HJURP: variants seen among roughly 807,000 people sequenced by gnomAD.
HJURP encodes Holliday junction recognition protein, also known as 14-3-3-associated AKT substrate.
A neutral mutation model predicts 72.0 loss-of-function variants in HJURP; 49 were observed. That is an observed-to-expected ratio of 0.68 (90% CI 0.54 to 0.86). HJURP has a LOEUF of 0.86. Ranked by LOEUF, HJURP falls within the 40% of genes least tolerant of loss-of-function variation. HJURP has a pLI of 0.00. For missense variants in HJURP, 908 were observed against 936.3 expected, an observed-to-expected ratio of 0.97 and a Z score of 0.39; for synonymous variants, 357 against 347.1, an observed-to-expected ratio of 1.03 and a Z score of -0.32.
rs1421804578 is a variant in HJURP at position 233,846,308 on chromosome 2, T to C, written c.403-488A>G. ...TCTCTACTACAATACAAAAATTAGCTGGGCATGGTGGTGGGCGCCTGTAGT... is the reference window on the plus strand; with the variant it reads ...TCTCTACTACAATACAAAAATTAGCCGGGCATGGTGGTGGGCGCCTGTAGT... On this transcript the variant is annotated intron_variant, in intron 5 of 8. Coordinates refer to ENST00000411486, the MANE Select transcript of HJURP (RefSeq NM_018410.5). This position sits in a 1 kb window ranked among gnomAD's most constrained non-coding sequence, Gnocchi z 4.3. Among the ~76,000 whole-genome samples, 1 of 152,000 alleles carries C rather than the reference T, an allele frequency of 6.6e-6. No individual in the cohort carries two copies. Among genetic ancestry groups the C allele is most frequent in the Non-Finnish European group, 1.5e-5 (1 of 68,002 alleles).
intron 8 of HJURP, among the ~76,000 whole-genome samples, chr2:233,838,209 T>G (rs1486982698): frequency 6.6e-6 from 1 of 152,198 alleles, no homozygotes; most frequent in Non-Finnish European, 1.5e-5. Flanking sequence ...CAGTTAAACA[T>G]GTTTATATTG....
intron 8 of HJURP, among the ~76,000 whole-genome samples, chr2:233,840,260 G>A (rs985636534): frequency 2.0e-5 from 3 of 152,202 alleles, no homozygotes; most frequent in African/African-American, 7.2e-5. Context: ...TTTTCTGAGT[G>A]TCAGATGAAG....
chr2:233,840,040 A>C (rs1179599854), intron 8 of HJURP, among the ~76,000 whole-genome samples: 2 of 152,246 alleles, frequency 1.3e-5, no homozygotes, highest in African/African-American at 4.8e-5. Context: ...ACGCAGACTA[A>C]AACTCTAGCT....
chr2:233,843,157 T>C (rs967843637), intron 7 of HJURP, among the ~76,000 whole-genome samples: 2 of 151,750 alleles, frequency 1.3e-5, no homozygotes, highest in African/African-American at 4.9e-5. Flanking sequence ...AGAGGGGAGA[T>C]AGCTCTTTTG....
In HJURP at chr2:233,836,854, C is replaced by T. The variant is rs1303875053; in HGVS notation, c.*723G>A. 6.6e-6 allele frequency: 1 copy of T among 152,178 alleles called. No homozygotes were observed. The highest frequency in any genetic ancestry group is 2.4e-5 in the African/African-American group (1 of 41,424). 9.4% of individuals were successfully genotyped at this position (152,178 alleles called of 1,614,324 possible). ...GTCACAGGCGCTGTGGCTGCAGGAG[C>T]GTCTGGGACCACCAGGACTGTTTAT... is the stretch of plus-strand genomic sequence containing the variant. On this transcript the variant is annotated 3_prime_UTR_variant, in exon 9 of 9. Coordinates refer to ENST00000411486, the MANE Select transcript of HJURP (RefSeq NM_018410.5).
At chr2:233,847,592 C>G (rs894035490) in intron 4 of HJURP, 131 bp from the exon 5 acceptor site, 4 of 768,010 alleles carry the variant, frequency 5.2e-6, no homozygotes, top group African/African-American at 5.2e-5. Flanking sequence ...GGTGCACCCA[C>G]TGGAGCCATC....
intron 8 of HJURP, among the ~76,000 whole-genome samples, chr2:233,838,039 GAAGAT>G (rs1256614885): frequency 1.3e-5 from 2 of 152,336 alleles, no homozygotes; most frequent in Admixed American, 6.5e-5. Context: ...GGGGATGAAA[GAAGAT>G]AAGACGTAAA....
At chr2:233,844,410 G>C in intron 6 of HJURP, 127 bp from the exon 7 acceptor site, 1 of 709,962 alleles carries the variant, frequency 1.4e-6, no homozygotes, top group South Asian at 1.6e-5. Flanking sequence ...GCGTGTGAAT[G>C]TGGTGACAGT....
Position 233,840,657 on chromosome 2 carries a change from A to G in HJURP, c.2123T>C (p.Val708Ala). Residue 708 changes from valine (V) to alanine (A), a missense_variant, in exon 8 of 9, where the codon GTC becomes GCC. Transcript: ENST00000411486. ...AGAGCTGCCCTGGTCTCCCGGTCTG[A>G]CGGTGTTGTCCACCCCATCTGAGGC... ...LGASDGVDNTVRPGDQGSSSQ... is the reference protein window; with the variant it reads ...LGASDGVDNTARPGDQGSSSQ... 6.2e-7 allele frequency: 1 copy of G among 1,611,806 alleles called. No homozygotes were observed. Among genetic ancestry groups the G allele is most frequent in the Non-Finnish European group, 8.5e-7 (1 of 1,179,404 alleles).
chr2:233,848,952 G>T (rs1195374233), intron 4 of HJURP, among the ~76,000 whole-genome samples: 4 of 152,220 alleles, frequency 2.6e-5, no homozygotes, highest in African/African-American at 9.7e-5. Context: ...GGCCACAGAG[G>T]CCCAGGCCAG....
rs1325852396 is a variant in HJURP at position 233,840,817 on chromosome 2, C to A, written c.1963G>T (p.Ala655Ser). ...GCRKSLLGST[A>S]IEAPSSTCVA... The stretch of plus-strand genomic sequence containing the variant: ...CATGTAGATGAAGGAGCCTCAATTG[C>A]AGTTGAGCCCAGTAGACTTTTTCTG... The change falls in exon 8 of 9, where the codon GCA (alanine) becomes TCA (serine). Residue 655 changes from alanine to serine, a missense_variant. Ala to Ser is a moderately conservative substitution (Grantham distance 99). Coordinates refer to ENST00000411486, the MANE Select transcript of HJURP (RefSeq NM_018410.5). 1 of 1,613,626 alleles carries A rather than the reference C, an allele frequency of 6.2e-7. No homozygotes were observed. Among genetic ancestry groups the A allele is most frequent in the South Asian group, 1.1e-5 (1 of 91,038 alleles).
At chr2:233,839,507 C>T (rs151141854) in intron 8 of HJURP, among the ~76,000 whole-genome samples, 11 of 152,324 alleles carry the variant, frequency 7.2e-5, no homozygotes, top group African/African-American at 1.7e-4. Context: ...TGAGAAAGGC[C>T]CCAGGGGGCT....
chr2:233,842,710 G>A (rs1056739559), intron 7 of HJURP, among the ~76,000 whole-genome samples: 3 of 152,144 alleles, frequency 2.0e-5, no homozygotes, highest in African/African-American at 7.2e-5. Flanking sequence ...CTGAGTGTCT[G>A]CCTCTTAAAG....
At chr2:233,842,660 T>G (rs1247710174) in intron 7 of HJURP, among the ~76,000 whole-genome samples, 2 of 21,002 alleles carry the variant, frequency 9.5e-5, no homozygotes, top group African/African-American at 2.2e-4. Context: ...AAAATCTGTA[T>G]GTTAAATTGA....
rs1705216899 is a variant in HJURP at position 233,841,153 on chromosome 2, GA to G, written c.1626del (p.His543ThrfsTer57). ...ATTCCAGAACTATTTCCCTGAACGTGAAGGTCAGATGTCTGCTGCGGGCGAG... is the reference window on the plus strand; with the variant it reads ...ATTCCAGAACTATTTCCCTGAACGTGAGGTCAGATGTCTGCTGCGGGCGAG... ...SATRPQQTSD[L>X]HVQGNSSGIF... On this transcript the variant is annotated frameshift_variant, in exon 8 of 9. Transcript: ENST00000411486. LOFTEE classifies it high-confidence loss of function. 1 of 1,614,070 alleles carries G rather than the reference GA, an allele frequency of 6.2e-7. No individual in the cohort carries two copies. Among genetic ancestry groups the G allele is most frequent in the African/African-American group, 1.3e-5 (1 of 74,910 alleles).
rs375179919 is a variant in HJURP at position 233,841,243 on chromosome 2, T to C, written c.1537A>G (p.Arg513Gly). 1.5e-5 allele frequency: 24 copies of C among 1,614,018 alleles called. No homozygotes were observed. The African/African-American group carries it at 2.0e-4, about 13-fold the overall frequency. ...NLGKRSLEAG[R>G]CLPKSDSSSS... ...GATGAATCGCTCTTGGGCAGGCACCTACCTGCTTCCAGAGATCTTTTGCCT... is the reference window on the plus strand; with the variant it reads ...GATGAATCGCTCTTGGGCAGGCACCCACCTGCTTCCAGAGATCTTTTGCCT... The change falls in exon 8 of 9, where the codon AGG (arginine) becomes GGG (glycine). Residue 513 changes from arginine to glycine, a missense_variant. Coordinates refer to ENST00000411486, the MANE Select transcript of HJURP (RefSeq NM_018410.5).
At chr2:233,842,643 CA>C (rs59622452) in intron 7 of HJURP, among the ~76,000 whole-genome samples, 100,663 of 147,932 alleles carry the variant, frequency 0.68, 34,238 homozygotes, top group African/African-American at 0.8. Flanking sequence ...TGAACACAAA[CA>C]AAAAAAAAAT....
chr2:233,841,460 C>G lies in HJURP; in HGVS notation c.1320G>C (p.Gln440His). 6.2e-7 allele frequency: 1 copy of G among 1,614,176 alleles called. No homozygotes were observed. Among genetic ancestry groups the G allele is most frequent in the Non-Finnish European group, 8.5e-7 (1 of 1,180,038 alleles). Residue 440 changes from glutamine to histidine, a missense_variant, in exon 8 of 9, where the codon CAG (glutamine) becomes CAC (histidine). Coordinates refer to ENST00000411486, the MANE Select transcript of HJURP (RefSeq NM_018410.5). ...GACTCAGGCAATATTCCCGATGAAGCTGATCAAATCGGATTTCAATCTCCC... is the reference window on the plus strand; with the variant it reads ...GACTCAGGCAATATTCCCGATGAAGGTGATCAAATCGGATTTCAATCTCCC... ...RQREIEIRFDQLHREYCLSPR... is the reference protein window; with the variant it reads ...RQREIEIRFDHLHREYCLSPR...
Position 233,841,746 on chromosome 2 carries a change from T to C in HJURP, c.1034A>G (p.Asp345Gly), listed in dbSNP as rs776153041. The C allele has an allele frequency of 6.2e-7, 1 of 1,614,178 alleles. No individual in the cohort carries two copies. The highest frequency in any genetic ancestry group is 1.1e-5 in the South Asian group (1 of 91,086). Residue 345 changes from aspartate to glycine, a missense_variant, in exon 8 of 9, where the codon GAT (aspartate) becomes GGT (glycine). Asp to Gly is a moderately conservative substitution (Grantham distance 94). This residue lies in a region of HJURP where 598 missense variants were observed against 619.5 expected (regional missense o/e 0.97). Transcript: ENST00000411486. ...TAAACCTGTCTTACGGCAAGAAACATCTAATACGTTCTTGCAATCTCTTAA... is the reference window on the plus strand; with the variant it reads ...TAAACCTGTCTTACGGCAAGAAACACCTAATACGTTCTTGCAATCTCTTAA... ...GALRDCKNVLDVSCRKTGLKL... is the reference protein window; with the variant it reads ...GALRDCKNVLGVSCRKTGLKL...
Sources: gnomAD v4.1 joint callset for allele counts (sites outside exome capture counted in the v4.1 genomes callset) on GRCh38, gnomAD v4.1.1 for gene constraint, gnomAD v4.1.1 regional missense constraint, Gnocchi (gnomAD v3.1) non-coding constraint, MANE v1.5 for transcripts, NCBI Gene and HGNC (gene_info 2026-07-23, HGNC 2026-07-21) for gene names.